Variants in RNLS observed in about 807,000 individuals in gnomAD.
RNLS encodes the protein renalase, FAD dependent amine oxidase.
A neutral mutation model predicts 39.8 loss-of-function variants in RNLS; 39 were observed. The ratio of observed to expected loss-of-function variants is 0.98; its 90% CI spans 0.76 to 1.28. The LOEUF (loss-of-function observed/expected upper bound fraction) is 1.28, where lower values mean the gene tolerates loss of function less well. RNLS is among the 50% of genes most tolerant of loss of function. RNLS has a pLI of 0.00. For missense variants in RNLS, 410 were observed against 413.3 expected (o/e 0.99, Z 0.07); for synonymous variants, 147 against 150.7 (o/e 0.98, Z 0.18).
At chr10:88,565,853 G>A (rs1024279673) in intron 4 of RNLS, among the ~76,000 whole-genome samples, 9 of 148,542 alleles carry the variant, frequency 6.1e-5, no homozygotes, top group Non-Finnish European at 1.0e-4. Flanking sequence ...AGGTTCAAGC[G>A]ATTCTCCTGC....
intron 4 of RNLS, among the ~76,000 whole-genome samples, chr10:88,400,556 A>T (rs1852850730): frequency 6.6e-6 from 1 of 152,032 alleles, no homozygotes; most frequent in Non-Finnish European, 1.5e-5. Flanking sequence ...CCATTTTGAA[A>T]CATATCATAT....
At chr10:88,451,186 A>C (rs1401160485) in intron 4 of RNLS, among the ~76,000 whole-genome samples, 1 of 152,184 alleles carries the variant, frequency 6.6e-6, no homozygotes, top group African/African-American at 2.4e-5. Flanking sequence ...CATTCATTAG[A>C]GGTCTGCCTA....
chr10:88,400,747 C>A (rs2133637234), intron 4 of RNLS, among the ~76,000 whole-genome samples: 1 of 152,008 alleles, frequency 6.6e-6, no homozygotes, highest in African/African-American at 2.4e-5. Context: ...AGTACCCAAG[C>A]ATCAGGAACA....
chr10:88,397,132 C>A (rs1852609399), intron 4 of RNLS, among the ~76,000 whole-genome samples: 1 of 152,054 alleles, frequency 6.6e-6, no homozygotes, highest in East Asian at 1.9e-4. Context: ...CATGCATATA[C>A]AAAATATTTC....
At chr10:88,400,227 T>C (rs1589729515) in intron 4 of RNLS, among the ~76,000 whole-genome samples, 1 of 152,022 alleles carries the variant, frequency 6.6e-6, no homozygotes, top group South Asian at 2.1e-4. Flanking sequence ...GAGTGGCCCA[T>C]TATTAACCTG....
chr10:88,516,300 C>A (rs1846403406), intron 4 of RNLS, among the ~76,000 whole-genome samples: 1 of 152,000 alleles, frequency 6.6e-6, no homozygotes, highest in African/African-American at 2.4e-5. Context: ...TTCATGAGTT[C>A]TGGCAAGAAA....
chr10:88,495,531 T>C (rs1188324197), intron 4 of RNLS, among the ~76,000 whole-genome samples: 1 of 152,164 alleles, frequency 6.6e-6, no homozygotes, highest in Non-Finnish European at 1.5e-5. Context: ...ACAAGGATTA[T>C]GTCAAAGTAA....
intron 4 of RNLS, among the ~76,000 whole-genome samples, chr10:88,395,029 A>C (rs769824515): frequency 1.3e-5 from 2 of 151,198 alleles, no homozygotes; most frequent in Non-Finnish European, 2.9e-5. Context: ...AACATCACAC[A>C]CCGGGGACTG....
At chr10:88,407,809 G>A (rs1385115058) in intron 4 of RNLS, among the ~76,000 whole-genome samples, 1 of 152,074 alleles carries the variant, frequency 6.6e-6, no homozygotes, top group African/African-American at 2.4e-5. Context: ...TTGCTCTGTA[G>A]CACATGGAAA....
chr10:88,513,058 G>GAATGCA (rs1488016919), intron 4 of RNLS, among the ~76,000 whole-genome samples: 2 of 152,164 alleles, frequency 1.3e-5, no homozygotes, highest in East Asian at 3.9e-4. Context: ...AATGGACAGT[G>GAATGCA]AATGCACATG....
At chr10:88,412,706 G>A (rs975327654) in intron 4 of RNLS, among the ~76,000 whole-genome samples, 8 of 152,034 alleles carry the variant, frequency 5.3e-5, no homozygotes, top group Admixed American at 5.2e-4. Context: ...GAGGTGAGAT[G>A]ATGTGTAAAC....
intron 4 of RNLS, among the ~76,000 whole-genome samples, chr10:88,433,699 GAGTA>G (rs1360661518): frequency 6.6e-6 from 1 of 151,996 alleles, no homozygotes. Context: ...CTAATGAAGG[GAGTA>G]AGTGAGTACT....
the RNLS span, among the ~76,000 whole-genome samples, chr10:88,262,686 A>G: frequency 6.6e-6 from 1 of 152,234 alleles, no homozygotes; most frequent in African/African-American, 2.4e-5. Flanking sequence ...TGTAACCCAG[A>G]GAAAAATATA....
intron 4 of RNLS, among the ~76,000 whole-genome samples, chr10:88,566,863 G>A (rs1039085292): frequency 6.6e-6 from 1 of 151,918 alleles, no homozygotes; most frequent in Non-Finnish European, 1.5e-5. Flanking sequence ...AGGCAAAAGT[G>A]GACAACATAG....
intron 4 of RNLS, among the ~76,000 whole-genome samples, chr10:88,375,887 G>A (rs1850954739): frequency 6.6e-6 from 1 of 152,120 alleles, no homozygotes; most frequent in African/African-American, 2.4e-5. Context: ...ATAGCATCCT[G>A]AGGTACAGAA....
At chr10:88,203,856 A>G in the RNLS span, among the ~76,000 whole-genome samples, 1 of 152,002 alleles carries the variant, frequency 6.6e-6, no homozygotes, top group Non-Finnish European at 1.5e-5. Context: ...GTCATATATT[A>G]ATATCTATAC....
chr10:88,203,309 T>C, the RNLS span, among the ~76,000 whole-genome samples: 3 of 14,130 alleles, frequency 2.1e-4, no homozygotes, highest in African/African-American at 1.1e-3. Flanking sequence ...TATATATATA[T>C]ATACGTATGT....
chr10:88,463,571 G>T (rs1216646616), intron 4 of RNLS, among the ~76,000 whole-genome samples: 2 of 151,680 alleles, frequency 1.3e-5, no homozygotes, highest in Non-Finnish European at 2.9e-5. Context: ...ACATGATGAA[G>T]GATCATGGAA....
chr10:88,369,017 TTC>T (rs1244992268), intron 4 of RNLS, among the ~76,000 whole-genome samples: 4 of 152,106 alleles, frequency 2.6e-5, no homozygotes, highest in Admixed American at 6.6e-5. Context: ...CATATATATT[TTC>T]TCTTTTGCAA....
Sources: allele counts gnomAD v4.1 joint callset (sites outside exome capture counted in the v4.1 genomes callset), GRCh38; gene constraint gnomAD v4.1.1; transcripts MANE v1.5; gene names NCBI Gene and HGNC (gene_info 2026-07-23, HGNC 2026-07-21).